Variants in OR1L8 observed in about 807,000 individuals in gnomAD.
The protein encoded by OR1L8 is olfactory receptor 1L8.
For missense variants in OR1L8, 330 were observed against 377.4 expected, an observed-to-expected ratio of 0.87 and a Z score of 1.04; for synonymous variants, 148 against 147.0, an observed-to-expected ratio of 1.01 and a Z score of -0.05.
chr9:122,578,539 T>C (rs1295598043), intron 1 of OR1L8, 94 bp from the exon 2 acceptor site: 1 of 151,428 alleles, frequency 6.6e-6, no homozygotes, highest in Non-Finnish European at 1.5e-5. Flanking sequence ...TGCAAAAATA[T>C]GGAACCAGCC....
chr9:122,572,568 T>C (rs1829572586), intron 4 of OR1L8, among the ~76,000 whole-genome samples: 1 of 135,982 alleles, frequency 7.4e-6, no homozygotes, highest in Non-Finnish European at 1.6e-5. Context: ...GTTTTTTTGG[T>C]TTTGGGTTTG....
the OR1L8 span, chr9:122,553,278 T>C: frequency 0.5 from 806,225 of 1,612,454 alleles, 203,674 homozygotes; most frequent in East Asian, 0.62. Context: ...ACTCTCTGAG[T>C]GGCCAGAGGA....
chr9:122,571,714 C>CA (rs35818693), intron 4 of OR1L8, among the ~76,000 whole-genome samples: 35,575 of 124,124 alleles, frequency 0.29, 4,936 homozygotes, highest in African/African-American at 0.37. Context: ...GACTCAGTCT[C>CA]AAAAAAAAAA....
downstream of OR1L8, among the ~76,000 whole-genome samples, chr9:122,562,118 C>T (rs187984023): frequency 1.3e-3 from 195 of 152,352 alleles, no homozygotes; most frequent in Non-Finnish European, 2.0e-3. Flanking sequence ...ACTCTGGCTG[C>T]AGTCTGCCAC....
chr9:122,580,193 A>G (rs1024379492), intron 1 of OR1L8, among the ~76,000 whole-genome samples: 6 of 152,222 alleles, frequency 3.9e-5, no homozygotes, highest in Non-Finnish European at 5.9e-5. Context: ...TTCCAAGAAT[A>G]TTTCTGACAG....
chr9:122,579,349 A>G (rs984378792), intron 1 of OR1L8, among the ~76,000 whole-genome samples: 1 of 152,178 alleles, frequency 6.6e-6, no homozygotes, highest in East Asian at 1.9e-4. Flanking sequence ...AAAATTGAAT[A>G]CATTTAAAAA....
chr9:122,552,582 G>A, the OR1L8 span, among the ~76,000 whole-genome samples: 9 of 152,034 alleles, frequency 5.9e-5, no homozygotes, highest in Admixed American at 2.0e-4. Flanking sequence ...GGGGGAGTAC[G>A]ACACCAGACA....
chr9:122,561,689 C>G, the OR1L8 span, among the ~76,000 whole-genome samples: 10 of 152,242 alleles, frequency 6.6e-5, no homozygotes, highest in Non-Finnish European at 1.5e-4. Context: ...AGCTGGAGAA[C>G]AGTAAAGATG....
At chr9:122,566,564 G>A (rs1053698814), downstream of OR1L8, among the ~76,000 whole-genome samples, 2 of 152,122 alleles carry the variant, frequency 1.3e-5, no homozygotes, top group East Asian at 1.9e-4. Flanking sequence ...GCTGCATATA[G>A]TTACACTTTA....
intron 3 of OR1L8, among the ~76,000 whole-genome samples, chr9:122,573,658 T>C (rs1407772674): frequency 6.6e-6 from 1 of 152,214 alleles, no homozygotes; most frequent in Admixed American, 6.5e-5. Context: ...TTATCAGATA[T>C]GTTTTGTGCA....
the OR1L8 span, among the ~76,000 whole-genome samples, chr9:122,547,014 T>C: frequency 6.6e-6 from 1 of 152,170 alleles, no homozygotes; most frequent in East Asian, 1.9e-4. Flanking sequence ...TTAACTATAG[T>C]CATCCTACAG....
the OR1L8 span, among the ~76,000 whole-genome samples, chr9:122,554,899 T>C: frequency 6.6e-6 from 1 of 152,200 alleles, no homozygotes; most frequent in South Asian, 2.1e-4. Context: ...CTCTGAATTC[T>C]TTCATAAAAT....
chr9:122,549,573 C>T, the OR1L8 span, among the ~76,000 whole-genome samples: 1,747 of 152,104 alleles, frequency 0.011, 18 homozygotes, highest in African/African-American at 0.039. Context: ...TTCATTTTTC[C>T]GCATATAGCA....
At chr9:122,579,283 A>G (rs1829709309) in intron 1 of OR1L8, among the ~76,000 whole-genome samples, 1 of 151,992 alleles carries the variant, frequency 6.6e-6, no homozygotes, top group African/African-American at 2.4e-5. Flanking sequence ...TAAATTTGAA[A>G]CATTTTAATT....
chr9:122,550,545 C>T, the OR1L8 span, among the ~76,000 whole-genome samples: 2 of 144,734 alleles, frequency 1.4e-5, no homozygotes, highest in African/African-American at 5.2e-5. Context: ...AAAGATAATA[C>T]ACCATGATCA....
At position 122,568,277 on chromosome 9, in the gene OR1L8, C is replaced by G. The variant is rs1829474326; in HGVS notation, c.201G>C (p.Leu67=). 1.2e-6 allele frequency: 2 copies of G among 1,614,018 alleles called. No individual in the cohort carries two copies. Among genetic ancestry groups the G allele is most frequent in the Non-Finnish European group, 1.7e-6 (2 of 1,179,932 alleles). ...TTGTAAAGCAAATATCAGTGAGAGA[C>G]AGAAAACTCAAGAAGAAATACATAG... The part of the protein sequence containing the change: ...QTPMYFFLSF[L]SLTDICFTTS... Residue 67 remains leucine (L), a synonymous_variant, in exon 5 of 5, where the codon CTG becomes CTC. Transcript: ENST00000641027.
chr9:122,568,587 T>A lies in OR1L8; in HGVS notation c.-110A>T. The A allele has an allele frequency of 1.5e-6, 1 of 676,372 alleles. No homozygotes were observed. The highest frequency in any genetic ancestry group is 2.5e-6 in the Non-Finnish European group (1 of 402,170). The allele number at this position is 676,372 out of a possible 1,614,324, so 41.9% of individuals were successfully genotyped here. A position where few individuals can be genotyped will look rare whatever the true frequency, so the allele number is the denominator to read the frequency against. ...CTTTGTTTCTTCTGTTTGGTCACAATTAGCTACTGTGCTAATTGTGGGATG... is the reference window on the plus strand; with the variant it reads ...CTTTGTTTCTTCTGTTTGGTCACAAATAGCTACTGTGCTAATTGTGGGATG... On this transcript the variant is annotated 5_prime_UTR_variant, in exon 5 of 5. Coordinates refer to ENST00000641027, the MANE Select transcript of OR1L8 (RefSeq NM_001004454.2).
At chr9:122,572,468 A>G (rs1242909153) in intron 4 of OR1L8, among the ~76,000 whole-genome samples, 1 of 152,196 alleles carries the variant, frequency 6.6e-6, no homozygotes, top group Non-Finnish European at 1.5e-5. Context: ...TCACGGGGAA[A>G]AAGGAAGAAG....
At chr9:122,564,771 G>A (rs3983872), downstream of OR1L8, among the ~76,000 whole-genome samples, 88,413 of 152,050 alleles carry the variant, frequency 0.58, 26,215 homozygotes, top group East Asian at 0.97. Context: ...ATCCCTGTCT[G>A]TAATGCCCAC....
Sources: gnomAD v4.1 joint callset for allele counts (sites outside exome capture counted in the v4.1 genomes callset) on GRCh38, gnomAD v4.1.1 for gene constraint, MANE v1.5 for transcripts, NCBI Gene and HGNC (gene_info 2026-07-23, HGNC 2026-07-21) for gene names.